MYH15: variants seen among roughly 807,000 people sequenced by gnomAD.
MYH15 encodes the protein myosin heavy chain 15.
A neutral mutation model predicts 240.5 loss-of-function variants in MYH15; 227 were observed. The observed-to-expected ratio is 0.94, with a 90% CI of 0.85 to 1.05. The LOEUF is 1.05. Among genes scored for constraint, MYH15 ranks in the 50% least tolerant of loss-of-function variants. The pLI, the probability that MYH15 is intolerant of heterozygous loss-of-function variation, is 0.00. For synonymous variants in MYH15, 785 were observed against 796.7 expected, an observed-to-expected ratio of 0.99 and a Z score of 0.25; for missense variants, 2,217 against 2,247.5, an observed-to-expected ratio of 0.99 and a Z score of 0.27.
chr3:108,491,859 T>A lies in MYH15; in HGVS notation c.871+641A>T, dbSNP rs148170784. 6.1e-3 allele frequency among the ~76,000 whole-genome samples: 928 copies of A among 152,194 alleles called. 9 individuals carry two copies. Among genetic ancestry groups the A allele is most frequent in the African/African-American group, 0.018 (751 of 41,518 alleles). ...TTCCCAACATTGTGTACACTCTTCCTCCTACCAGAAGTAGCCTCCACTCTT... is the reference window on the plus strand; with the variant it reads ...TTCCCAACATTGTGTACACTCTTCCACCTACCAGAAGTAGCCTCCACTCTT... On this transcript the variant is annotated intron_variant, in intron 9 of 40. Coordinates refer to ENST00000693548, the MANE Select transcript of MYH15 (RefSeq NM_014981.3).
At chr3:108,390,218 A>G (rs2082413838) in intron 37 of MYH15, among the ~76,000 whole-genome samples, 1 of 152,198 alleles carries the variant, frequency 6.6e-6, no homozygotes. Flanking sequence ...AATCCTAGAC[A>G]TTATGTAATT....
At chr3:108,426,085 TAAAACA>T (rs2082722439) in intron 27 of MYH15, among the ~76,000 whole-genome samples, 1 of 151,320 alleles carries the variant, frequency 6.6e-6, no homozygotes, top group Non-Finnish European at 1.5e-5. Flanking sequence ...CTTGATTGCT[TAAAACA>T]AAATATGAAG....
chr3:108,491,713 C>T (rs2083349746), intron 9 of MYH15, among the ~76,000 whole-genome samples: 1 of 152,176 alleles, frequency 6.6e-6, no homozygotes, highest in Non-Finnish European at 1.5e-5. Flanking sequence ...CCCCACAACA[C>T]ACTTGCTCTG....
intron 20 of MYH15, among the ~76,000 whole-genome samples, chr3:108,455,188 A>G (rs1292305389): frequency 6.6e-6 from 1 of 152,230 alleles, no homozygotes; most frequent in Non-Finnish European, 1.5e-5. Context: ...AAATCTATTG[A>G]TAAGTTAGAA....
At chr3:108,459,878 G>A (rs55660622) in intron 17 of MYH15, among the ~76,000 whole-genome samples, 4 of 152,166 alleles carry the variant, frequency 2.6e-5, no homozygotes, top group African/African-American at 9.7e-5. Context: ...CAGGGGAAGA[G>A]AAAAGCAATG....
chr3:108,450,745 G>GT (rs896818653), intron 21 of MYH15, among the ~76,000 whole-genome samples: 40 of 152,118 alleles, frequency 2.6e-4, no homozygotes, highest in African/African-American at 9.4e-4. Flanking sequence ...TGATTAATCA[G>GT]TTTGATTGTG....
chr3:108,442,584 G>A lies in MYH15; in HGVS notation c.2656-1324C>T, dbSNP rs193066786. On this transcript the variant is annotated intron_variant, in intron 22 of 40. Transcript: ENST00000693548. Reference sequence around the variant, plus strand: ...ACTGAACAAAGAGGACAGTCCAATCGACCATCATTGATCTCTTCATTAAAC... The same window carrying A: ...ACTGAACAAAGAGGACAGTCCAATCAACCATCATTGATCTCTTCATTAAAC... 3.3e-5 allele frequency among the ~76,000 whole-genome samples: 5 copies of A among 152,102 alleles called. No homozygotes were observed. In the East Asian group the frequency reaches 7.8e-4, roughly 24 times the overall value.
intron 22 of MYH15, among the ~76,000 whole-genome samples, chr3:108,444,090 A>G (rs2082907397): frequency 6.6e-6 from 1 of 151,234 alleles, no homozygotes; most frequent in African/African-American, 2.4e-5. Flanking sequence ...TGGCACGTGT[A>G]TACATATGTA....
chr3:108,476,585 A>G, intron 11 of MYH15, 70 bp from the exon 12 acceptor site: 5 of 975,954 alleles, frequency 5.1e-6, no homozygotes, highest in South Asian at 4.0e-5. Flanking sequence ...CATTATAGCC[A>G]AACTAACTAC....
At chr3:108,433,801 C>T (rs973822721) in intron 25 of MYH15, among the ~76,000 whole-genome samples, 5 of 152,156 alleles carry the variant, frequency 3.3e-5, no homozygotes, top group Admixed American at 1.3e-4. Context: ...ATCCATTAAA[C>T]CCTTTTTCCT....
intron 35 of MYH15, among the ~76,000 whole-genome samples, chr3:108,394,854 T>G (rs1319658701): frequency 6.6e-6 from 1 of 152,208 alleles, no homozygotes; most frequent in Non-Finnish European, 1.5e-5. Context: ...AAACTCGCAG[T>G]GTATATAAAA....
intron 27 of MYH15, among the ~76,000 whole-genome samples, chr3:108,422,478 A>C (rs755822156): frequency 9.9e-5 from 15 of 152,272 alleles, no homozygotes; most frequent in Middle Eastern, 3.4e-3. Flanking sequence ...AGCTTCCCAA[A>C]GTGCTGGGAT....
At chr3:108,521,316 G>A (rs977262296) in intron 1 of MYH15, among the ~76,000 whole-genome samples, 1 of 151,576 alleles carries the variant, frequency 6.6e-6, no homozygotes, top group South Asian at 2.1e-4. Flanking sequence ...GGACTTATAA[G>A]CTTTTTACAA....
intron 38 of MYH15, among the ~76,000 whole-genome samples, chr3:108,388,224 T>A (rs2082398044): frequency 6.6e-6 from 1 of 152,124 alleles, no homozygotes; most frequent in Non-Finnish European, 1.5e-5. Flanking sequence ...ACATCTACTG[T>A]GTGATAGGAG....
In MYH15 at chr3:108,437,647, T is replaced by A; in HGVS notation, c.3128A>T (p.Glu1043Val). 1 of 1,614,080 alleles carries A rather than the reference T, an allele frequency of 6.2e-7. No individual in the cohort carries two copies. The highest frequency in any genetic ancestry group is 1.1e-5 in the South Asian group (1 of 91,050). ...TAAATTGCCCTCCAGTTTGTGCAGT[T>A]CCCTTTCACAGTTCATTCTCGCTTT... ...ERKARMNCER[E>V]LHKLEGNLKL... Residue 1043 changes from glutamate (E) to valine (V), a missense_variant, in exon 25 of 41, where the codon GAA (glutamate) becomes GTA (valine). By Grantham distance (121) the Glu-to-Val change is moderately radical. Coordinates refer to ENST00000693548, the MANE Select transcript of MYH15 (RefSeq NM_014981.3).
chr3:108,492,107 T>C (rs184666885), intron 9 of MYH15, among the ~76,000 whole-genome samples: 2 of 151,900 alleles, frequency 1.3e-5, no homozygotes, highest in East Asian at 3.9e-4. Context: ...AAAACTCCCA[T>C]TGACCACCAC....
chr3:108,529,430 G>C (rs1193815362), upstream of MYH15: 3 of 581,276 alleles, frequency 5.2e-6, no homozygotes, highest in Admixed American at 1.0e-4. Context: ...GATATATTTA[G>C]TCATTGTGCT....
the MYH15 span, chr3:108,543,225 T>A: frequency 5.9e-5 from 9 of 152,276 alleles, no homozygotes; most frequent in Non-Finnish European, 1.5e-5. Context: ...GGTGTATATG[T>A]ACCACATTTT....
At chr3:108,422,995 C>T (rs1465280942) in intron 27 of MYH15, among the ~76,000 whole-genome samples, 1 of 152,160 alleles carries the variant, frequency 6.6e-6, no homozygotes, top group Non-Finnish European at 1.5e-5. Flanking sequence ...AGATGGGGTT[C>T]TTTGTCCCCG....
Sources: gnomAD v4.1 joint callset for allele counts (sites outside exome capture counted in the v4.1 genomes callset) on GRCh38, gnomAD v4.1.1 for gene constraint, MANE v1.5 for transcripts, NCBI Gene and HGNC (gene_info 2026-07-23, HGNC 2026-07-21) for gene names.